Variants in STXBP6 observed in about 807,000 individuals in gnomAD.
The protein encoded by STXBP6 is syntaxin-binding protein 6.
Under a neutral mutation model 26.9 loss-of-function variants are expected in STXBP6, and 21 were observed. The observed-to-expected ratio is 0.78, with a 90% CI of 0.55 to 1.12. STXBP6 has a LOEUF of 1.12. Ranked by LOEUF, STXBP6 falls within the 50% of genes most tolerant of loss-of-function variation. The pLI, the probability that STXBP6 is intolerant of heterozygous loss-of-function variation, is 0.00. For missense variants in STXBP6, 232 were observed against 257.9 expected (o/e 0.90, Z 0.69); for synonymous variants, 97 against 92.6 (o/e 1.05, Z -0.27).
chr14:24,977,376 T>A (rs959402254), intron 1 of STXBP6, among the ~76,000 whole-genome samples: 1 of 152,022 alleles, frequency 6.6e-6, no homozygotes, highest in African/African-American at 2.4e-5. Flanking sequence ...GAAATAGAAA[T>A]GACCTTTTAT....
chr14:24,940,661 G>A (rs2072769427), intron 2 of STXBP6, among the ~76,000 whole-genome samples: 1 of 152,020 alleles, frequency 6.6e-6, no homozygotes, highest in African/African-American at 2.4e-5. Flanking sequence ...CTTCCTCCCT[G>A]ACTCCACGGC....
chr14:24,857,272 G>A lies in STXBP6; in HGVS notation c.155-115C>T, dbSNP rs888473827. The stretch of plus-strand genomic sequence containing the variant: ...GTATATGCACAATAACAGAGAGAAG[G>A]CAGAGGGGGAAAGGAGGGAATATGA... On this transcript the variant is annotated intron_variant, in intron 2 of 5. Coordinates refer to ENST00000323944, the MANE Select transcript of STXBP6 (RefSeq NM_001394410.1). The A allele has an allele frequency of 4.4e-6, 6 of 1,369,522 alleles. No homozygotes were observed. The East Asian group carries it at 1.2e-4, about 27-fold the overall frequency. 84.8% of individuals were successfully genotyped at this position (1,369,522 alleles called of 1,614,324 possible). A position where few individuals can be genotyped will look rare whatever the true frequency, so the allele number is the denominator to read the frequency against.
rs116249294 is a variant in STXBP6 at position 24,882,673 on chromosome 14, T to C, written c.155-25516A>G. 4.3e-3 allele frequency among the ~76,000 whole-genome samples: 658 copies of C among 152,274 alleles called. 5 individuals carry two copies. The highest frequency in any genetic ancestry group is 0.015 in the African/African-American group (622 of 41,548). On this transcript the variant is annotated intron_variant, in intron 2 of 5. Coordinates refer to ENST00000323944, the MANE Select transcript of STXBP6 (RefSeq NM_001394410.1). ...CTCTTCTAGTTCACTACCCCACCCCTAGTCATTCTCAGCAAGGGAATACAT... is the reference window on the plus strand; with the variant it reads ...CTCTTCTAGTTCACTACCCCACCCCCAGTCATTCTCAGCAAGGGAATACAT...
At chr14:24,966,570 A>T (rs2073740965) in intron 2 of STXBP6, among the ~76,000 whole-genome samples, 1 of 152,178 alleles carries the variant, frequency 6.6e-6, no homozygotes, top group African/African-American at 2.4e-5. Flanking sequence ...ATTAAATGAG[A>T]TGATACCTAT....
intron 4 of STXBP6, among the ~76,000 whole-genome samples, chr14:24,834,878 G>A (rs2068565783): frequency 2.0e-5 from 3 of 152,152 alleles, no homozygotes; most frequent in Admixed American, 1.3e-4. Context: ...TCAGATTCAA[G>A]TTATCTGATT....
chr14:24,890,667 A>T (rs1030097545), intron 2 of STXBP6, among the ~76,000 whole-genome samples: 1 of 152,374 alleles, frequency 6.6e-6, no homozygotes, highest in East Asian at 1.9e-4. Flanking sequence ...TAAGGAAATT[A>T]GCGTCCTTTT....
chr14:24,968,007 C>T (rs1264727328), intron 2 of STXBP6, among the ~76,000 whole-genome samples: 1 of 152,002 alleles, frequency 6.6e-6, no homozygotes, highest in Non-Finnish European at 1.5e-5. Flanking sequence ...AACACTGGTT[C>T]CTTGATCTGT....
chr14:24,889,846 T>C (rs2070729848), intron 2 of STXBP6, among the ~76,000 whole-genome samples: 1 of 152,208 alleles, frequency 6.6e-6, no homozygotes, highest in South Asian at 2.1e-4. Flanking sequence ...TTTCTTACCA[T>C]ACATTAAATA....
chr14:25,015,231 C>T (rs550200094), intron 1 of STXBP6, among the ~76,000 whole-genome samples: 105 of 152,160 alleles, frequency 6.9e-4, no homozygotes, highest in African/African-American at 2.4e-3. Flanking sequence ...AAAAAAAAAT[C>T]ACATTTGAAC....
intron 1 of STXBP6, among the ~76,000 whole-genome samples, chr14:24,983,344 A>G (rs1179431433): frequency 6.6e-6 from 1 of 152,226 alleles, no homozygotes; most frequent in East Asian, 1.9e-4. Context: ...TTGACTTGAG[A>G]ACATCACTTA....
intron 4 of STXBP6, among the ~76,000 whole-genome samples, chr14:24,844,166 T>C (rs751820199): frequency 1.7e-4 from 26 of 152,166 alleles, no homozygotes; most frequent in Non-Finnish European, 3.4e-4. Flanking sequence ...AACACACCCA[T>C]GGGCAGGGAG....
At chr14:24,897,781 A>G (rs2071050398) in intron 2 of STXBP6, among the ~76,000 whole-genome samples, 1 of 152,166 alleles carries the variant, frequency 6.6e-6, no homozygotes, top group Admixed American at 6.5e-5. Flanking sequence ...AAGTGTGGGT[A>G]ATCAGTACCA....
chr14:24,970,778 C>G (rs991758770), intron 2 of STXBP6, among the ~76,000 whole-genome samples: 1 of 152,034 alleles, frequency 6.6e-6, no homozygotes, highest in African/African-American at 2.4e-5. Flanking sequence ...TAAAAAACTG[C>G]CAAGTTGTTT....
In STXBP6 at chr14:24,903,232, TTTTGTTTG is replaced by T. The variant is rs565117535; in HGVS notation, c.155-46083_155-46076del. 1.2e-4 allele frequency among the ~76,000 whole-genome samples: 19 copies of T among 152,254 alleles called. No individual in the cohort carries two copies. The East Asian group carries it at 1.7e-3, about 14-fold the overall frequency. On this transcript the variant is annotated intron_variant, in intron 2 of 5. Transcript: ENST00000323944. ...TTGCTTTTGATTTGATTATTCTCTGTTTTGTTTGTTTGTTTGTTTGTTTCATTGAGACA... is the reference window on the plus strand; with the variant it reads ...TTGCTTTTGATTTGATTATTCTCTGTTTTGTTTGTTTGTTTCATTGAGACA...
At chr14:25,025,030 A>T (rs530232225) in intron 1 of STXBP6, among the ~76,000 whole-genome samples, 1 of 152,362 alleles carries the variant, frequency 6.6e-6, no homozygotes, top group South Asian at 2.1e-4. Context: ...TGTAAGCCTA[A>T]CAGTTCTAAT....
At chr14:24,860,923 T>A (rs1215352373) in intron 2 of STXBP6, among the ~76,000 whole-genome samples, 1 of 146,804 alleles carries the variant, frequency 6.8e-6, no homozygotes, top group African/African-American at 2.4e-5. Context: ...CACCTCTACA[T>A]CCTCAACTAT....
At chr14:24,934,423 T>C (rs1310270865) in intron 2 of STXBP6, among the ~76,000 whole-genome samples, 1 of 152,152 alleles carries the variant, frequency 6.6e-6, no homozygotes, top group African/African-American at 2.4e-5. Context: ...CTAAGAATAT[T>C]GCACACAACA....
At position 24,811,592 on chromosome 14, in the gene STXBP6, G is replaced by A. The variant is rs1308153078; in HGVS notation, c.*1117C>T. ...CTGCAATGTAAAGGTTTGTGATTGT[G>A]GTGTTTTATATCAGACCAGGCAAGG... On this transcript the variant is annotated 3_prime_UTR_variant, in exon 6 of 6. Coordinates refer to ENST00000323944, the MANE Select transcript of STXBP6 (RefSeq NM_001394410.1). The A allele has an allele frequency of 6.6e-6, 1 of 152,028 alleles. No individual in the cohort carries two copies. Among genetic ancestry groups the A allele is most frequent in the African/African-American group, 2.4e-5 (1 of 41,378 alleles). 9.4% of individuals were successfully genotyped at this position (152,028 alleles called of 1,614,324 possible).
In STXBP6 at chr14:24,931,113, G is replaced by A. The variant is rs1281249371; in HGVS notation, c.154+43552C>T. On this transcript the variant is annotated intron_variant, in intron 2 of 5. Transcript: ENST00000323944. ...GGCCTGGGCGACAGAGCGAGACTCC[G>A]TCTCAAAAAAAAAAAAAAAAAAAAA... Among the ~76,000 whole-genome samples the A allele has an allele frequency of 4.3e-4, 17 of 39,514 alleles. No homozygotes were observed. The South Asian group carries it at 0.017, about 40-fold the overall frequency. 25.9% of individuals were successfully genotyped at this position (39,514 alleles called of 152,430 possible).
Sources: gnomAD v4.1 joint callset for allele counts (sites outside exome capture counted in the v4.1 genomes callset) on GRCh38, gnomAD v4.1.1 for gene constraint, MANE v1.5 for transcripts, NCBI Gene and HGNC (gene_info 2026-07-23, HGNC 2026-07-21) for gene names.